Variants in LUZP2 observed in about 807,000 individuals in gnomAD.
The protein encoded by LUZP2 is leucine zipper protein 2.
In LUZP2, 52 loss-of-function variants were observed where a neutral mutation model predicts 51.6. That is an observed-to-expected ratio of 1.01 (90% CI 0.81 to 1.27). The LOEUF is 1.27. Ranked by LOEUF, LUZP2 falls within the 50% of genes most tolerant of loss-of-function variation. LUZP2 has a pLI of 0.00. For missense variants in LUZP2, 436 were observed against 395.4 expected (o/e 1.10, Z -0.87); for synonymous variants, 154 against 137.3 (o/e 1.12, Z -0.85).
intron 1 of LUZP2, among the ~76,000 whole-genome samples, chr11:24,663,134 G>A (rs1008980874): frequency 6.6e-6 from 1 of 152,024 alleles, no homozygotes; most frequent in Non-Finnish European, 1.5e-5. Flanking sequence ...ATATTTTATA[G>A]GTAATAGATA....
intron 1 of LUZP2, among the ~76,000 whole-genome samples, chr11:24,653,681 C>A (rs1199005340): frequency 6.6e-6 from 1 of 152,032 alleles, no homozygotes; most frequent in Non-Finnish European, 1.5e-5. Flanking sequence ...GCACCTACCG[C>A]TGGGGTTGAG....
chr11:24,750,676 G>C (rs2134007910), intron 4 of LUZP2, among the ~76,000 whole-genome samples: 1 of 152,148 alleles, frequency 6.6e-6, no homozygotes, highest in East Asian at 1.9e-4. Flanking sequence ...CTTTTTTTAT[G>C]AGTAGAAGTT....
At chr11:24,689,374 T>A (rs1856998256) in intron 1 of LUZP2, among the ~76,000 whole-genome samples, 1 of 152,166 alleles carries the variant, frequency 6.6e-6, no homozygotes, top group South Asian at 2.1e-4. Context: ...AATTGAGCAT[T>A]CTCAGAGAAG....
At chr11:25,015,539 G>T (rs1356072843) in intron 9 of LUZP2, among the ~76,000 whole-genome samples, 2 of 151,976 alleles carry the variant, frequency 1.3e-5, no homozygotes, top group Non-Finnish European at 1.5e-5. Context: ...TGTTTTTCAT[G>T]GCCTGATACA....
chr11:24,543,751 G>A (rs575456539), intron 1 of LUZP2, among the ~76,000 whole-genome samples: 3 of 138,850 alleles, frequency 2.2e-5, no homozygotes, highest in Middle Eastern at 4.1e-3. Context: ...AACTAAGGAG[G>A]TGGAAGTTTG....
intron 1 of LUZP2, among the ~76,000 whole-genome samples, chr11:24,615,983 C>A (rs969816547): frequency 3.3e-5 from 5 of 150,082 alleles, no homozygotes; most frequent in Non-Finnish European, 1.5e-5. Flanking sequence ...CTTTTTGGGT[C>A]TTTCTTCTGT....
chr11:24,570,882 A>C (rs1005413684), intron 1 of LUZP2, among the ~76,000 whole-genome samples: 5 of 152,080 alleles, frequency 3.3e-5, no homozygotes, highest in African/African-American at 1.2e-4. Flanking sequence ...AAGGCCAGAG[A>C]GGAAATGATT....
chr11:24,625,621 G>T (rs1854649413), intron 1 of LUZP2, among the ~76,000 whole-genome samples: 1 of 151,842 alleles, frequency 6.6e-6, no homozygotes, highest in Non-Finnish European at 1.5e-5. Context: ...AAGTTCAAAT[G>T]CATTCTCTGT....
At chr11:24,788,295 C>G (rs928596061) in intron 5 of LUZP2, among the ~76,000 whole-genome samples, 2 of 146,964 alleles carry the variant, frequency 1.4e-5, no homozygotes, top group Non-Finnish European at 3.0e-5. Context: ...GTTCAAGTGA[C>G]TCTCCTGCCT....
chr11:24,711,450 AAAATAAATAAATAAATAAAT>A (rs200424558), intron 1 of LUZP2, among the ~76,000 whole-genome samples: 2 of 143,042 alleles, frequency 1.4e-5, no homozygotes, highest in African/African-American at 2.6e-5. Context: ...ACTCCATCTC[AAAATAAATAAATAAATAAAT>A]AAATAAATAA....
At chr11:24,833,709 C>T (rs1257470903) in intron 5 of LUZP2, among the ~76,000 whole-genome samples, 6 of 138,550 alleles carry the variant, frequency 4.3e-5, no homozygotes, top group African/African-American at 8.2e-5. Context: ...CCACCGCGCG[C>T]GCGCACACAC....
At chr11:24,618,364 A>G (rs1854366922) in intron 1 of LUZP2, among the ~76,000 whole-genome samples, 1 of 152,114 alleles carries the variant, frequency 6.6e-6, no homozygotes. Flanking sequence ...CTTCTCTTAT[A>G]TTACCATATT....
chr11:24,700,785 T>C (rs1427258674), intron 1 of LUZP2, among the ~76,000 whole-genome samples: 2 of 152,204 alleles, frequency 1.3e-5, no homozygotes, highest in Admixed American at 1.3e-4. Context: ...ATTCTGACAT[T>C]ATAATCAGTG....
At chr11:24,905,897 T>C (rs976513412) in intron 5 of LUZP2, 94 bp from the exon 6 acceptor site, 14 of 819,634 alleles carry the variant, frequency 1.7e-5, no homozygotes, top group Admixed American at 1.5e-4. Flanking sequence ...GGTCTAATTT[T>C]TGAACAGAAC....
chr11:24,601,959 T>A (rs1343391532), intron 1 of LUZP2, among the ~76,000 whole-genome samples: 2 of 137,086 alleles, frequency 1.5e-5, no homozygotes, highest in African/African-American at 5.7e-5. Flanking sequence ...TAAATGTATA[T>A]ATGTATATAT....
chr11:24,843,358 T>C (rs1405329412), intron 5 of LUZP2, among the ~76,000 whole-genome samples: 1 of 152,124 alleles, frequency 6.6e-6, no homozygotes, highest in East Asian at 1.9e-4. Context: ...ATTGGGTGAT[T>C]TTTTGGTGCA....
intron 3 of LUZP2, among the ~76,000 whole-genome samples, chr11:24,734,091 G>T (rs1858835194): frequency 6.6e-6 from 1 of 151,638 alleles, no homozygotes; most frequent in Admixed American, 6.6e-5. Flanking sequence ...TTATTTCCTG[G>T]CTTTTAGGGA....
rs919246371 is a variant in LUZP2, at chr11:24,669,257, C to A, written c.63-59912C>A. On this transcript the variant is annotated intron_variant, in intron 1 of 11. Coordinates refer to ENST00000336930, the MANE Select transcript of LUZP2 (RefSeq NM_001009909.4). ...AGTGAAATGAGCAGTTTGTTCCTTA[C>A]TACAAATGAATTATTTTTTGTCTTC... Among the ~76,000 whole-genome samples, 8 of 152,094 alleles carry A rather than the reference C, an allele frequency of 5.3e-5. No individual in the cohort carries two copies. In the East Asian group the frequency reaches 7.7e-4, roughly 15 times the overall value.
At chr11:25,044,622 C>A (rs150734216) in intron 9 of LUZP2, among the ~76,000 whole-genome samples, 1 of 152,034 alleles carries the variant, frequency 6.6e-6, no homozygotes, top group African/African-American at 2.4e-5. Flanking sequence ...GGACTGTAAA[C>A]TAGTTCAACC....
Sources: allele counts gnomAD v4.1 joint callset (sites outside exome capture counted in the v4.1 genomes callset), GRCh38; gene constraint gnomAD v4.1.1; transcripts MANE v1.5; gene names NCBI Gene and HGNC (gene_info 2026-07-23, HGNC 2026-07-21).